Variants in KIF14 observed in about 807,000 individuals in gnomAD.
The protein encoded by KIF14 is kinesin family member 14.
A neutral mutation model predicts 176.2 loss-of-function variants in KIF14; 98 were observed. The observed-to-expected ratio is 0.56, with a 90% CI of 0.47 to 0.66. The LOEUF is 0.66. KIF14 is among the 30% of genes least tolerant of loss of function. The pLI is 0.00. For missense variants in KIF14, 1,751 were observed against 1,920.4 expected, an observed-to-expected ratio of 0.91 and a Z score of 1.65; for synonymous variants, 566 against 632.2, an observed-to-expected ratio of 0.90 and a Z score of 1.57.
Position 200,603,224 on chromosome 1 carries a change from GC to G in KIF14, c.1979+1del. ...ATTCTTTATACTTCAAAAGATACTT[GC>G]CATGTAAGAACAGATTCACGATAAG... On this transcript the variant is annotated splice_donor_variant, in intron 10 of 29. Coordinates refer to ENST00000367350, the MANE Select transcript of KIF14 (RefSeq NM_014875.3). LOFTEE classifies it high-confidence loss of function. 2 of 1,519,338 alleles carry G rather than the reference GC, an allele frequency of 1.3e-6. No homozygotes were observed. The highest frequency in any genetic ancestry group is 2.7e-5 in the African/African-American group (2 of 73,272). The allele number at this position is 1,519,338 out of a possible 1,614,324, so 94.1% of individuals were successfully genotyped here. A position where few individuals can be genotyped will look rare whatever the true frequency, so the allele number is the denominator to read the frequency against.
chr1:200,553,761 T>C lies in KIF14; in HGVS notation c.4574A>G (p.His1525Arg), dbSNP rs748485277. ...EIIISALKGCHSDINLLQTCV... is the reference protein window; with the variant it reads ...EIIISALKGCRSDINLLQTCV... ...AGTCTGGAGAAGATTTATATCACTATGGCATCCTATATGCAAGAGAGGAGG... is the reference window on the plus strand; with the variant it reads ...AGTCTGGAGAAGATTTATATCACTACGGCATCCTATATGCAAGAGAGGAGG... Residue 1525 changes from histidine (H) to arginine (R), a missense_variant, in exon 30 of 30, where the codon CAT (histidine) becomes CGT (arginine). Coordinates refer to ENST00000367350, the MANE Select transcript of KIF14 (RefSeq NM_014875.3). 1.9e-6 allele frequency: 3 copies of C among 1,595,028 alleles called. No individual in the cohort carries two copies. Among genetic ancestry groups the C allele is most frequent in the African/African-American group, 2.7e-5 (2 of 74,298 alleles).
At chr1:200,615,636 C>G in intron 2 of KIF14, 27 bp from the exon 3 acceptor site, 2 of 1,578,430 alleles carry the variant, frequency 1.3e-6, no homozygotes, top group Non-Finnish European at 1.7e-6. Flanking sequence ...AGAAAAAAAT[C>G]AAGTAACTAA....
At position 200,553,522 on chromosome 1, in the gene KIF14, G is replaced by A. The variant is rs1416871619; in HGVS notation, c.4813C>T (p.His1605Tyr). ...ATCCCGCTTGATTTAGATTGTTGGT[G>A]TTCTTCTTTGGTATTTTGATTATAA... ...ETYNQNTKEEHQQSKSSGIDG... is the reference protein window; with the variant it reads ...ETYNQNTKEEYQQSKSSGIDG... Residue 1605 changes from histidine (H) to tyrosine (Y), a missense_variant, in exon 30 of 30, where the codon CAC becomes TAC. By Grantham distance (83) the His-to-Tyr change is moderately conservative. Coordinates refer to ENST00000367350, the MANE Select transcript of KIF14 (RefSeq NM_014875.3). 1 of 1,613,978 alleles carries A rather than the reference G, an allele frequency of 6.2e-7. No individual in the cohort carries two copies. Among genetic ancestry groups the A allele is most frequent in the South Asian group, 1.1e-5 (1 of 91,088 alleles).
intron 25 of KIF14, among the ~76,000 whole-genome samples, chr1:200,561,767 T>G (rs1246780347): frequency 6.6e-6 from 1 of 151,986 alleles, no homozygotes; most frequent in African/African-American, 2.4e-5. Context: ...CAAAATTAAC[T>G]ACATATAAGA....
chr1:200,556,080 C>A (rs1656816082), intron 27 of KIF14, among the ~76,000 whole-genome samples: 1 of 152,056 alleles, frequency 6.6e-6, no homozygotes, highest in South Asian at 2.1e-4. Flanking sequence ...CCATTGTATA[C>A]CTCATTTTAT....
At position 200,593,746 on chromosome 1, in the gene KIF14, G is replaced by C; in HGVS notation, c.2573C>G (p.Thr858Arg). ...TTCCCCAACTGGGATAATACTCACT[G>C]TCCCACCAAAATTTTTGATAGTACT... is the stretch of plus-strand genomic sequence containing the variant. ...DHCTIKNFGG[T>R]VSIIPVGEAK... Residue 858 changes from threonine to arginine, a missense_variant, in exon 15 of 30, where the codon ACA becomes AGA. Thr to Arg is a moderately conservative substitution (Grantham distance 71, BLOSUM62 -1). Transcript: ENST00000367350. The C allele has an allele frequency of 6.2e-7, 1 of 1,610,162 alleles. No individual in the cohort carries two copies. The highest frequency in any genetic ancestry group is 8.5e-7 in the Non-Finnish European group (1 of 1,177,000).
intron 10 of KIF14, 111 bp from the exon 11 acceptor site, chr1:200,602,179 C>G (rs1408073493): frequency 2.5e-6 from 2 of 786,696 alleles, no homozygotes; most frequent in Non-Finnish European, 3.9e-6. Flanking sequence ...TTATTATACT[C>G]TACTCAAATA....
At chr1:200,587,031 G>C (rs1242513669) in intron 18 of KIF14, among the ~76,000 whole-genome samples, 4 of 152,068 alleles carry the variant, frequency 2.6e-5, no homozygotes, top group African/African-American at 7.2e-5. Flanking sequence ...CCAGGGACTG[G>C]TTTCGTGGAA....
intron 13 of KIF14, among the ~76,000 whole-genome samples, chr1:200,598,715 C>T (rs540109002): frequency 9.9e-5 from 15 of 152,152 alleles, no homozygotes; most frequent in South Asian, 6.2e-4. Context: ...CATGCCACCA[C>T]GCCCGGCTAA....
At chr1:200,611,995 A>G (rs187493289) in intron 4 of KIF14, among the ~76,000 whole-genome samples, 88 of 145,272 alleles carry the variant, frequency 6.1e-4, no homozygotes, top group Non-Finnish European at 9.3e-4. Flanking sequence ...TCCAAAGTCC[A>G]TGCTCTTTTT....
At position 200,600,113 on chromosome 1, in the gene KIF14, T is replaced by G; in HGVS notation, c.2301A>C (p.Arg767Ser). ...QQERDMAEMQRVWKEKFEQAE... is the reference protein window; with the variant it reads ...QQERDMAEMQSVWKEKFEQAE... ...CTTGTTCAAACTTTTCTTTCCACACTCTTTCCAAAGACAAAGAAAATAACA... is the reference window on the plus strand; with the variant it reads ...CTTGTTCAAACTTTTCTTTCCACACGCTTTCCAAAGACAAAGAAAATAACA... Residue 767 changes from arginine to serine, a missense_variant and splice_region_variant, in exon 13 of 30, where the codon AGA (arginine) becomes AGC (serine). Arg to Ser is a moderately radical substitution (Grantham distance 110, BLOSUM62 -1). Coordinates refer to ENST00000367350, the MANE Select transcript of KIF14 (RefSeq NM_014875.3). 3 of 1,595,530 alleles carry G rather than the reference T, an allele frequency of 1.9e-6. 1 individual carries two copies. In the Middle Eastern group the frequency reaches 5.0e-4, roughly 265 times the overall value.
intron 21 of KIF14, among the ~76,000 whole-genome samples, chr1:200,576,044 T>C (rs1302096413): frequency 2.6e-5 from 4 of 152,198 alleles, no homozygotes; most frequent in Admixed American, 2.6e-4. Flanking sequence ...TGGTCGAATA[T>C]ATTGATCAGG....
Position 200,615,511 on chromosome 1 carries a change from T to A in KIF14, c.1211A>T (p.Asp404Val), listed in dbSNP as rs200534255. 16 of 1,613,956 alleles carry A rather than the reference T, an allele frequency of 9.9e-6. No individual in the cohort carries two copies. In the South Asian group the frequency reaches 1.6e-4, roughly 17 times the overall value. Reference sequence around the variant, plus strand: ...TTCATCAAAAGACCAGAATGAAACATCATAAATAAAATTATAAACTTGTTT... The same window carrying A: ...TTCATCAAAAGACCAGAATGAAACAACATAAATAAAATTATAAACTTGTTT... ...DTKQVYNFIY[D>V]VSFWSFDECH... Residue 404 changes from aspartate to valine, a missense_variant, in exon 3 of 30, where the codon GAT becomes GTT. Asp to Val is a radical substitution (Grantham distance 152). Transcript: ENST00000367350.
At chr1:200,588,331 C>T (rs2102681090) in intron 18 of KIF14, among the ~76,000 whole-genome samples, 1 of 151,726 alleles carries the variant, frequency 6.6e-6, no homozygotes. Context: ...ACCTCTGACT[C>T]TCGGGTTCAA....
In KIF14 at chr1:200,593,738, TACTC is replaced by T; in HGVS notation, c.2577_2580del (p.Ser860LeufsTer11). 1 of 1,612,558 alleles carries T rather than the reference TACTC, an allele frequency of 6.2e-7. No homozygotes were observed. On this transcript the variant is annotated frameshift_variant, in exon 15 of 30. Transcript: ENST00000367350. LOFTEE classifies it high-confidence loss of function. ...GTCTTTGCTTCCCCAACTGGGATAATACTCACTGTCCCACCAAAATTTTTGATAG... is the reference window on the plus strand; with the variant it reads ...GTCTTTGCTTCCCCAACTGGGATAATACTGTCCCACCAAAATTTTTGATAG...
chr1:200,587,387 G>A (rs1220172418), intron 18 of KIF14, among the ~76,000 whole-genome samples: 3 of 140,856 alleles, frequency 2.1e-5, no homozygotes, highest in Non-Finnish European at 3.1e-5. Context: ...AGAAAAAAAA[G>A]AAGAAAAAAG....
intron 13 of KIF14, among the ~76,000 whole-genome samples, 191 bp from the exon 14 acceptor site, chr1:200,598,612 G>A (rs556999251): frequency 4.5e-4 from 68 of 152,204 alleles, no homozygotes; most frequent in African/African-American, 1.6e-3. Context: ...AGGCTGGAGT[G>A]CAGTGGCACG....
chr1:200,598,108 T>A, intron 14 of KIF14, 129 bp downstream of exon 14: 1 of 746,998 alleles, frequency 1.3e-6, no homozygotes, highest in Non-Finnish European at 2.2e-6. Flanking sequence ...ATGTTTTTCC[T>A]GACTAAACAA....
intron 14 of KIF14, among the ~76,000 whole-genome samples, chr1:200,596,043 T>C (rs1013441924): frequency 6.7e-6 from 1 of 150,194 alleles, no homozygotes; most frequent in Non-Finnish European, 1.5e-5. Context: ...TCACCTGAGG[T>C]GGGAGTTTGA....
Sources: allele counts gnomAD v4.1 joint callset (sites outside exome capture counted in the v4.1 genomes callset), GRCh38; gene constraint gnomAD v4.1.1; transcripts MANE v1.5; gene names NCBI Gene and HGNC (gene_info 2026-07-23, HGNC 2026-07-21).